CNTNAP3: variants seen among roughly 807,000 people sequenced by gnomAD.
CNTNAP3 encodes contactin associated protein family member 3.
A neutral mutation model predicts 92.1 loss-of-function variants in CNTNAP3; 36 were observed. That is an observed-to-expected ratio of 0.39 (90% confidence interval 0.30 to 0.52). The LOEUF (loss-of-function observed/expected upper bound fraction) is 0.52. Ranked by LOEUF, CNTNAP3 falls within the 20% of genes least tolerant of loss-of-function variation. The pLI, the probability that CNTNAP3 is intolerant of heterozygous loss-of-function variation, is 0.76. For synonymous variants in CNTNAP3, 232 were observed against 422.3 expected (o/e 0.55, Z 5.53); for missense variants, 534 against 1,069.6 (o/e 0.50, Z 6.98).
chr9:39,079,689 TA>T (rs1825885364), intron 21 of CNTNAP3, among the ~76,000 whole-genome samples: 1 of 121,702 alleles, frequency 8.2e-6, no homozygotes, highest in African/African-American at 3.7e-5. Flanking sequence ...TTTTTCCTTT[TA>T]TTTTGCTGGT....
chr9:39,116,940 A>C (rs1286395017), intron 14 of CNTNAP3, among the ~76,000 whole-genome samples: 1 of 152,072 alleles, frequency 6.6e-6, no homozygotes, highest in Non-Finnish European at 1.5e-5. Flanking sequence ...TTATGTCCAA[A>C]TCAATTATAC....
rs1365316333 is a variant in CNTNAP3, at chr9:39,069,808, T to G, written c.*4082A>C. Among the ~76,000 whole-genome samples, 1 of 152,292 alleles carries G rather than the reference T, an allele frequency of 6.6e-6. No homozygotes were observed. Among genetic ancestry groups the G allele is most frequent in the African/African-American group, 2.4e-5 (1 of 41,478 alleles). ...TGAACTTAGCCTGAGCTACATCCAT[T>G]GGGAGTGATGTGAAGGAAGAGAAAA... On this transcript the variant is annotated 3_prime_UTR_variant, in exon 24 of 24. Transcript: ENST00000297668.
At chr9:39,179,285 C>CCACACACA in intron 4 of CNTNAP3, among the ~76,000 whole-genome samples, 2 of 31,950 alleles carry the variant, frequency 6.3e-5, no homozygotes, top group East Asian at 1.3e-3. Flanking sequence ...CTCTCTCTCT[C>CCACACACA]TACACACACA....
chr9:39,154,787 GC>G (rs1391011476), intron 9 of CNTNAP3: 3 of 162,464 alleles, frequency 1.8e-5, no homozygotes, highest in African/African-American at 5.2e-5. Flanking sequence ...GGGAACGGTG[GC>G]GCACAACATC....
chr9:39,101,261 ACATACGTGG>A (rs1470545739), intron 17 of CNTNAP3, among the ~76,000 whole-genome samples: 4 of 151,294 alleles, frequency 2.6e-5, no homozygotes, highest in Non-Finnish European at 5.9e-5. Context: ...ACATCCACAT[ACATACGTGG>A]GTTCACGTGT....
At chr9:39,174,359 T>C in intron 7 of CNTNAP3, 1 of 600,534 alleles carries the variant, frequency 1.7e-6, no homozygotes, top group Admixed American at 2.8e-5. Context: ...ATAGTAAAAC[T>C]TAGACTTCAA....
rs1167855624 is a variant in CNTNAP3 at position 39,073,522 on chromosome 9, CT to C, written c.*367del. ...TTTAAAAAATAAAGTAGGGCCACAGCTTTATAGCCATTTTCTCATCTAAAAC... is the reference window on the plus strand; with the variant it reads ...TTTAAAAAATAAAGTAGGGCCACAGCTTATAGCCATTTTCTCATCTAAAAC... On this transcript the variant is annotated 3_prime_UTR_variant, in exon 24 of 24. Coordinates refer to ENST00000297668, the MANE Select transcript of CNTNAP3 (RefSeq NM_033655.5). 3.2e-6 allele frequency: 1 copy of C among 315,518 alleles called. No individual in the cohort carries two copies. Among genetic ancestry groups the C allele is most frequent in the African/African-American group, 2.1e-5 (1 of 46,970 alleles). 19.5% of individuals were successfully genotyped at this position (315,518 alleles called of 1,614,324 possible).
At chr9:39,075,277 A>T (rs1266470801) in intron 23 of CNTNAP3, among the ~76,000 whole-genome samples, 2 of 151,244 alleles carry the variant, frequency 1.3e-5, no homozygotes, top group Non-Finnish European at 2.9e-5. Flanking sequence ...ATCAGAATAA[A>T]TGAATGGAAG....
At chr9:39,091,704 A>T (rs1481762643) in intron 18 of CNTNAP3, among the ~76,000 whole-genome samples, 2 of 151,828 alleles carry the variant, frequency 1.3e-5, no homozygotes, top group Non-Finnish European at 3.0e-5. Flanking sequence ...TATTAGGGAA[A>T]TACTGACCTT....
In CNTNAP3 at chr9:39,109,168, C is replaced by T. The variant is rs201209922; in HGVS notation, c.2357G>A (p.Arg786His). 144 of 1,612,376 alleles carry T rather than the reference C, an allele frequency of 8.9e-5. 1 individual carries two copies. The highest frequency in any genetic ancestry group is 5.5e-4 in the Admixed American group (33 of 59,912). ...TTCTTGACACTACTTACGATCTCCGCGGCAGAGCAGTGGCCCCAGTGTATA... is the reference window on the plus strand; with the variant it reads ...TTCTTGACACTACTTACGATCTCCGTGGCAGAGCAGTGGCCCCAGTGTATA... ...AAYTLGPLLC[R>H]GDQSFWNSAS... The change falls in exon 15 of 24, where the codon CGC (arginine) becomes CAC (histidine). Residue 786 changes from arginine to histidine, a missense_variant. Physicochemically the swap from Arg to His is conservative, Grantham distance 29. Transcript: ENST00000297668.
At chr9:39,140,795 AT>A (rs1247044954) in intron 11 of CNTNAP3, among the ~76,000 whole-genome samples, 157 bp from the exon 12 acceptor site, 1 of 152,256 alleles carries the variant, frequency 6.6e-6, no homozygotes, top group East Asian at 1.9e-4. Flanking sequence ...ATGCAAAAAA[AT>A]GACATTTAAA....
chr9:39,077,423 G>A (rs1231568061), intron 23 of CNTNAP3, among the ~76,000 whole-genome samples: 1 of 151,960 alleles, frequency 6.6e-6, no homozygotes, highest in Non-Finnish European at 1.5e-5. Flanking sequence ...CAGGCGTGGT[G>A]GCGGGCGCCT....
chr9:39,113,325 T>C (rs574494439), intron 14 of CNTNAP3, among the ~76,000 whole-genome samples: 1 of 152,204 alleles, frequency 6.6e-6, no homozygotes, highest in Non-Finnish European at 1.5e-5. Context: ...TTTTGTAATT[T>C]TGTAATTTTT....
At position 39,140,622 on chromosome 9, in the gene CNTNAP3, A is replaced by G. The variant is rs1821552581; in HGVS notation, c.1773T>C (p.Ser591=). 2.5e-6 allele frequency: 4 copies of G among 1,611,682 alleles called. No individual in the cohort carries two copies. Among genetic ancestry groups the G allele is most frequent in the Non-Finnish European group, 3.4e-6 (4 of 1,179,232 alleles). The part of the protein sequence containing the change: ...ETCHSSLYEQ[S]CEAHKHRGNP... ...TCCCTCGGTGCTTGTGGGCTTCACA[A>G]GACTGCTCGTAGAGAGCTGTAGGAG... Residue 591 remains serine, a synonymous_variant, in exon 12 of 24, where the codon TCT becomes TCC. Transcript: ENST00000297668.
rs1825498140 is a variant in CNTNAP3, at chr9:39,065,840, G to T, written c.*8050C>A. Among the ~76,000 whole-genome samples the T allele has an allele frequency of 1.3e-5, 2 of 152,004 alleles. No individual in the cohort carries two copies. The highest frequency in any genetic ancestry group is 4.2e-4 in the South Asian group (2 of 4,796). On this transcript the variant is annotated 3_prime_UTR_variant, in exon 24 of 24. Coordinates refer to ENST00000297668, the MANE Select transcript of CNTNAP3 (RefSeq NM_033655.5). ...TATTGAGTTGTTAAGAGTTCTTTATGAACTATATTCTGAAAAAAATTTACA... is the reference window on the plus strand; with the variant it reads ...TATTGAGTTGTTAAGAGTTCTTTATTAACTATATTCTGAAAAAAATTTACA...
intron 14 of CNTNAP3, among the ~76,000 whole-genome samples, chr9:39,112,511 G>T (rs1385183374): frequency 6.6e-6 from 1 of 152,044 alleles, no homozygotes; most frequent in Admixed American, 6.6e-5. Context: ...GATTACAGGC[G>T]TGCGCCACTA....
chr9:39,136,083 C>T (rs1821422449), intron 12 of CNTNAP3, among the ~76,000 whole-genome samples: 1 of 151,038 alleles, frequency 6.6e-6, no homozygotes, highest in Admixed American at 6.6e-5. Context: ...GAGCCGAGAT[C>T]GTGCCACTGT....
Position 39,072,353 on chromosome 9 carries a change from A to G in CNTNAP3, c.*1537T>C, listed in dbSNP as rs1021983686. ...ACCATCTCATTAGTCCTTGGTAGGC[A>G]GTTGGTATCTGGAATATGAAGAGTG... On this transcript the variant is annotated 3_prime_UTR_variant, in exon 24 of 24. Transcript: ENST00000297668. Among the ~76,000 whole-genome samples, 1 of 148,142 alleles carries G rather than the reference A, an allele frequency of 6.8e-6. No individual in the cohort carries two copies. The highest frequency in any genetic ancestry group is 6.7e-5 in the Admixed American group (1 of 14,902).
At chr9:39,098,323 G>T (rs1826372910) in intron 18 of CNTNAP3, among the ~76,000 whole-genome samples, 1 of 150,372 alleles carries the variant, frequency 6.7e-6, no homozygotes, top group Admixed American at 6.6e-5. Flanking sequence ...AAATATATCT[G>T]TAAATAAAAA....
Sources: allele counts gnomAD v4.1 joint callset (sites outside exome capture counted in the v4.1 genomes callset), GRCh38; gene constraint gnomAD v4.1.1; transcripts MANE v1.5; gene names NCBI Gene and HGNC (gene_info 2026-07-23, HGNC 2026-07-21).